Variants in MAML2 observed in about 807,000 individuals in gnomAD.
MAML2 encodes mastermind like transcriptional coactivator 2.
In MAML2, 22 loss-of-function variants were observed where a neutral mutation model predicts 96.1. The observed-to-expected ratio is 0.23, with a 90% confidence interval of 0.16 to 0.33. MAML2 has a LOEUF of 0.33. Ranked by LOEUF, MAML2 falls within the 10% of genes least tolerant of loss-of-function variation. MAML2 has a pLI of 1.00. For synonymous variants in MAML2, 561 were observed against 521.3 expected (o/e 1.08, Z -1.04); for missense variants, 1,367 against 1,392.4 (o/e 0.98, Z 0.29).
At chr11:96,298,896 T>C (rs1369281740) in intron 1 of MAML2, among the ~76,000 whole-genome samples, 1 of 145,334 alleles carries the variant, frequency 6.9e-6, no homozygotes, top group African/African-American at 2.5e-5. Context: ...CAAAAAAAAA[T>C]TAGCTGAGCG....
Position 96,341,780 on chromosome 11 carries a change from C to G in MAML2, c.116G>C (p.Arg39Pro). ...TPRVHSAIVERLRARIAVCRQ... is the reference protein window; with the variant it reads ...TPRVHSAIVEPLRARIAVCRQ... ...GCAGACAGCGATCCGAGCCCGGAGG[C>G]GCTCCACGATAGCACTGTGCACTCT... is the stretch of plus-strand genomic sequence containing the variant. Residue 39 changes from arginine to proline, a missense_variant, in exon 1 of 5, where the codon CGC (arginine) becomes CCC (proline). Physicochemically the swap from Arg to Pro is moderately radical, Grantham distance 103. Coordinates refer to ENST00000524717, the MANE Select transcript of MAML2 (RefSeq NM_032427.4). 6.2e-7 allele frequency: 1 copy of G among 1,610,964 alleles called. No homozygotes were observed. Among genetic ancestry groups the G allele is most frequent in the Non-Finnish European group, 8.5e-7 (1 of 1,179,356 alleles).
At chr11:96,176,987 G>A (rs1304347280) in intron 1 of MAML2, among the ~76,000 whole-genome samples, 1 of 152,192 alleles carries the variant, frequency 6.6e-6, no homozygotes, top group East Asian at 1.9e-4. Context: ...TTTTACCTTT[G>A]TAGGACTTAG....
chr11:96,298,576 TA>T lies in MAML2; in HGVS notation c.513+42806del, dbSNP rs1863333756. On this transcript the variant is annotated intron_variant, in intron 1 of 4. Coordinates refer to ENST00000524717, the MANE Select transcript of MAML2 (RefSeq NM_032427.4). ...GAGTGCTGGGTTATATAAGAGAAGA[TA>T]ACCAAGCAAACAAAGAGGTAATGAG... 2.0e-5 allele frequency among the ~76,000 whole-genome samples: 3 copies of T among 151,996 alleles called. No individual in the cohort carries two copies. The South Asian group carries it at 6.2e-4, about 32-fold the overall frequency.
At chr11:96,073,941 T>C (rs1016797684) in intron 2 of MAML2, among the ~76,000 whole-genome samples, 1 of 152,204 alleles carries the variant, frequency 6.6e-6, no homozygotes, top group Non-Finnish European at 1.5e-5. Flanking sequence ...AAAAATAAGA[T>C]TCATGCAAGG....
Position 95,977,567 on chromosome 11 carries a change from G to A in MAML2, c.*1381C>T. On this transcript the variant is annotated 3_prime_UTR_variant, in exon 5 of 5. Transcript: ENST00000524717. Reference sequence around the variant, plus strand: ...ATAACCTTTGCTCCTCTGTAATTAGGAAAATGATAGTGATATTTTGCATTC... The same window carrying A: ...ATAACCTTTGCTCCTCTGTAATTAGAAAAATGATAGTGATATTTTGCATTC... The A allele has an allele frequency of 4.8e-6, 1 of 207,722 alleles. No individual in the cohort carries two copies. Among genetic ancestry groups the A allele is most frequent in the Non-Finnish European group, 9.8e-6 (1 of 101,814 alleles). 12.9% of individuals were successfully genotyped at this position (207,722 alleles called of 1,614,324 possible). A position where few individuals can be genotyped will look rare whatever the true frequency, so the allele number is the denominator to read the frequency against.
At chr11:96,070,128 A>G (rs1859319515) in intron 2 of MAML2, among the ~76,000 whole-genome samples, 1 of 151,948 alleles carries the variant, frequency 6.6e-6, no homozygotes, top group African/African-American at 2.4e-5. Flanking sequence ...CGTCTCTACT[A>G]AAAATACAAA....
intron 4 of MAML2, among the ~76,000 whole-genome samples, chr11:95,980,686 C>T (rs192051713): frequency 3.8e-4 from 58 of 152,314 alleles, no homozygotes; most frequent in African/African-American, 1.3e-3. Context: ...AGGCTAAGGC[C>T]GAAGCTCCTC....
chr11:96,264,603 T>C (rs1862800624), intron 1 of MAML2, among the ~76,000 whole-genome samples: 1 of 152,204 alleles, frequency 6.6e-6, no homozygotes, highest in African/African-American at 2.4e-5. Flanking sequence ...CTTAGCTTTA[T>C]CTTAACCATC....
At chr11:96,149,357 C>T (rs780086765) in intron 1 of MAML2, among the ~76,000 whole-genome samples, 6 of 141,716 alleles carry the variant, frequency 4.2e-5, no homozygotes, top group African/African-American at 1.1e-4. Context: ...GTGGAGGCTG[C>T]GGTGAGCTGA....
At chr11:96,264,872 C>T (rs1461654770) in intron 1 of MAML2, among the ~76,000 whole-genome samples, 1 of 152,164 alleles carries the variant, frequency 6.6e-6, no homozygotes, top group Non-Finnish European at 1.5e-5. Context: ...TTTAGTTTTG[C>T]AAGAACACAT....
At chr11:96,148,782 T>A (rs1192952978) in intron 1 of MAML2, among the ~76,000 whole-genome samples, 1 of 151,538 alleles carries the variant, frequency 6.6e-6, no homozygotes, top group Non-Finnish European at 1.5e-5. Flanking sequence ...AGACAGCACA[T>A]GTGTGAGCTG....
chr11:96,190,549 A>G (rs751794800), intron 1 of MAML2, among the ~76,000 whole-genome samples: 1 of 152,334 alleles, frequency 6.6e-6, no homozygotes, highest in Non-Finnish European at 1.5e-5. Context: ...CTTTGTGTTG[A>G]TGACTTAGTG....
chr11:96,056,561 T>C (rs1013059099), intron 2 of MAML2, among the ~76,000 whole-genome samples: 1 of 152,160 alleles, frequency 6.6e-6, no homozygotes. Context: ...GCCTGACATC[T>C]CCTGCCACAG....
chr11:96,035,001 A>G (rs1243404957), intron 2 of MAML2, among the ~76,000 whole-genome samples: 1 of 152,154 alleles, frequency 6.6e-6, no homozygotes, highest in South Asian at 2.1e-4. Flanking sequence ...AATTATTTGA[A>G]CCCGTCCTCA....
At chr11:96,183,401 C>A (rs948606016) in intron 1 of MAML2, among the ~76,000 whole-genome samples, 7 of 58,366 alleles carry the variant, frequency 1.2e-4, no homozygotes, top group Admixed American at 2.1e-4. Flanking sequence ...CCTCCCCCCC[C>A]CCCCTTTCTT....
At chr11:96,333,434 T>C (rs1711952247) in intron 1 of MAML2, among the ~76,000 whole-genome samples, 1 of 151,862 alleles carries the variant, frequency 6.6e-6, no homozygotes, top group Non-Finnish European at 1.5e-5. Context: ...CCAAATATAA[T>C]CTACTAAAGA....
intron 1 of MAML2, among the ~76,000 whole-genome samples, chr11:96,334,164 T>C (rs1052982482): frequency 6.6e-6 from 1 of 152,248 alleles, no homozygotes; most frequent in African/African-American, 2.4e-5. Flanking sequence ...AATATGATAC[T>C]CTTCACTAAC....
chr11:96,019,974 A>C (rs1858411809), intron 2 of MAML2, among the ~76,000 whole-genome samples: 1 of 152,124 alleles, frequency 6.6e-6, no homozygotes, highest in South Asian at 2.1e-4. Flanking sequence ...AGTTTACGCT[A>C]TTCAGTCGTT....
At chr11:96,125,945 T>C (rs10831490) in intron 1 of MAML2, among the ~76,000 whole-genome samples, 73,862 of 151,896 alleles carry the variant, frequency 0.49, 18,270 homozygotes, top group East Asian at 0.83. Flanking sequence ...AGAACAAGAG[T>C]GGCAAAGAGG....
Sources: allele counts gnomAD v4.1 joint callset (sites outside exome capture counted in the v4.1 genomes callset), GRCh38; gene constraint gnomAD v4.1.1; transcripts MANE v1.5; gene names NCBI Gene and HGNC (gene_info 2026-07-23, HGNC 2026-07-21).